Variants in IL1RAPL1 observed in about 807,000 individuals in gnomAD.
IL1RAPL1 encodes interleukin 1 receptor accessory protein like 1.
A neutral mutation model predicts 48.4 loss-of-function variants in IL1RAPL1; 3 were observed. The ratio of observed to expected loss-of-function variants is 0.06; its 90% CI spans 0.03 to 0.16. The LOEUF is 0.16. IL1RAPL1 is among the 10% of genes least tolerant of loss of function. The pLI is 1.00. For missense variants in IL1RAPL1, 349 were observed against 530.6 expected (o/e 0.66, Z 3.36); for synonymous variants, 185 against 187.7 (o/e 0.99, Z 0.12).
chrX:28,748,989 T>G (rs1288223099), intron 1 of IL1RAPL1, among the ~76,000 whole-genome samples: 1 of 111,910 alleles, frequency 8.9e-6, no homozygotes, highest in African/African-American at 3.2e-5. Context: ...GATCAACTTT[T>G]AAAAAACCCA....
At chrX:28,974,922 G>A (rs1382830550) in intron 2 of IL1RAPL1, among the ~76,000 whole-genome samples, 1 of 112,385 alleles carries the variant, frequency 8.9e-6, no homozygotes, top group Non-Finnish European at 1.9e-5. Flanking sequence ...CTAAGGATAT[G>A]TATAGATATA....
rs756120061 is a variant in IL1RAPL1 at position 29,027,329 on chromosome X, A to T, written c.82+237904A>T. Among the ~76,000 whole-genome samples, 3 of 112,253 alleles carry T rather than the reference A, an allele frequency of 2.7e-5. No individual in the cohort carries two copies. The East Asian group carries it at 8.4e-4, about 31-fold the overall frequency. On this transcript the variant is annotated intron_variant, in intron 2 of 10. Transcript: ENST00000378993. ...AAATAATTAGCTTTTTTCACTTAGT[A>T]TCATACATTTATGTTTTTTCCACGT...
rs751095070 is a variant in IL1RAPL1 at position 28,897,568 on chromosome X, A to G, written c.82+108143A>G. 9.0e-4 allele frequency among the ~76,000 whole-genome samples: 101 copies of G among 112,034 alleles called. 1 individual carries two copies. Among genetic ancestry groups the G allele is most frequent in the African/African-American group, 3.2e-3 (99 of 30,834 alleles). On this transcript the variant is annotated intron_variant, in intron 2 of 10. Transcript: ENST00000378993. ...AAAAAGAGGCCACTTACCGGACTTA[A>G]AATTGGTGAGATGTTCCTTGGGCTG...
At chrX:29,374,530 C>A (rs1933594530) in intron 3 of IL1RAPL1, among the ~76,000 whole-genome samples, 1 of 109,268 alleles carries the variant, frequency 9.2e-6, no homozygotes, top group Admixed American at 9.9e-5. Context: ...TTTGGCCGCA[C>A]CAGCCCTGGC....
intron 5 of IL1RAPL1, among the ~76,000 whole-genome samples, chrX:29,606,835 A>G (rs964933165): frequency 6.3e-5 from 7 of 111,428 alleles, no homozygotes; most frequent in Non-Finnish European, 1.3e-4. Context: ...GACATAAAAC[A>G]TGACTTGCTT....
At chrX:28,948,412 C>G (rs1173604685) in intron 2 of IL1RAPL1, among the ~76,000 whole-genome samples, 2 of 110,384 alleles carry the variant, frequency 1.8e-5, no homozygotes, top group African/African-American at 6.6e-5. Context: ...CTGATCTGAT[C>G]TGAACCTAGA....
chrX:28,730,833 C>A (rs182570787), intron 1 of IL1RAPL1, among the ~76,000 whole-genome samples: 19 of 112,003 alleles, frequency 1.7e-4, no homozygotes, highest in African/African-American at 5.5e-4. Flanking sequence ...GAATGCCTAA[C>A]AACTTACTTA....
intron 6 of IL1RAPL1, among the ~76,000 whole-genome samples, chrX:29,910,339 T>A (rs2147233196): frequency 9.1e-6 from 1 of 110,146 alleles, no homozygotes; most frequent in Admixed American, 9.8e-5. Flanking sequence ...ACATATAATT[T>A]ACCTATATAA....
At chrX:28,872,310 C>T (rs759913419) in intron 2 of IL1RAPL1, among the ~76,000 whole-genome samples, 173 of 112,063 alleles carry the variant, frequency 1.5e-3, no homozygotes, top group South Asian at 2.6e-3. Context: ...TGATCCACTG[C>T]ACCCAGCTGC....
rs1205331618 is a variant in IL1RAPL1, at chrX:29,036,317, A to G, written c.83-246621A>G. Among the ~76,000 whole-genome samples the G allele has an allele frequency of 2.7e-5, 3 of 112,354 alleles. No individual in the cohort carries two copies. In the South Asian group the frequency reaches 1.1e-3, roughly 41 times the overall value. ...AACATAAAGATGGAATTCTGCAGAA[A>G]TTGAGAAAGAGGGCAAAAACGCGGA... On this transcript the variant is annotated intron_variant, in intron 2 of 10. Coordinates refer to ENST00000378993, the MANE Select transcript of IL1RAPL1 (RefSeq NM_014271.4).
chrX:28,713,633 G>A (rs949374043), intron 1 of IL1RAPL1, among the ~76,000 whole-genome samples: 1 of 110,694 alleles, frequency 9.0e-6, no homozygotes, highest in African/African-American at 3.3e-5. Context: ...TTTCATTTTC[G>A]AAAAAATGCC....
intron 1 of IL1RAPL1, among the ~76,000 whole-genome samples, chrX:28,779,634 G>GTATATATATATATA (rs1183080798): frequency 5.2e-5 from 2 of 38,339 alleles, no homozygotes; most frequent in African/African-American, 1.2e-4. Context: ...GTGTGTGTGT[G>GTATATATATATATA]TATATATATA....
intron 5 of IL1RAPL1, among the ~76,000 whole-genome samples, chrX:29,410,448 A>G (rs1934129628): frequency 9.3e-6 from 1 of 107,957 alleles, no homozygotes; most frequent in Non-Finnish European, 1.9e-5. Flanking sequence ...GCAACAGAGC[A>G]AGACTCTGTG....
intron 5 of IL1RAPL1, among the ~76,000 whole-genome samples, chrX:29,496,313 A>ATCT (rs1436634997): frequency 9.0e-6 from 1 of 110,742 alleles, no homozygotes; most frequent in Non-Finnish European, 1.9e-5. Flanking sequence ...TTGAGTTGTA[A>ATCT]TCTCCAATGC....
chrX:29,954,513 T>A lies in IL1RAPL1; in HGVS notation c.1202-9T>A. 8.3e-7 allele frequency: 1 copy of A among 1,205,894 alleles called. No homozygotes were observed. The highest frequency in any genetic ancestry group is 1.1e-6 in the Non-Finnish European group (1 of 890,246). ...GTGACTTCGACTTTTCTTTGGAATT[T>A]TTTGACAGACAATAAAGATTATGAT... On this transcript the variant is annotated splice_polypyrimidine_tract_variant and intron_variant, in intron 9 of 10. Coordinates refer to ENST00000378993, the MANE Select transcript of IL1RAPL1 (RefSeq NM_014271.4).
chrX:29,715,892 A>G (rs1927470109), intron 6 of IL1RAPL1, among the ~76,000 whole-genome samples: 1 of 112,079 alleles, frequency 8.9e-6, no homozygotes, highest in South Asian at 3.7e-4. Flanking sequence ...TTCTTTACCA[A>G]GCAACCCACC....
chrX:28,835,215 A>T (rs1921174781), intron 2 of IL1RAPL1, among the ~76,000 whole-genome samples: 2 of 111,689 alleles, frequency 1.8e-5, no homozygotes, highest in African/African-American at 6.5e-5. Flanking sequence ...AACCTTGCCC[A>T]TTGCCATGGT....
intron 5 of IL1RAPL1, among the ~76,000 whole-genome samples, chrX:29,586,791 T>C (rs1242798337): frequency 9.0e-6 from 1 of 111,620 alleles, no homozygotes; most frequent in Non-Finnish European, 1.9e-5. Flanking sequence ...TTTTTGGTGC[T>C]AATGTAAATG....
intron 2 of IL1RAPL1, among the ~76,000 whole-genome samples, chrX:29,198,579 C>T (rs1930491126): frequency 9.0e-6 from 1 of 111,603 alleles, no homozygotes; most frequent in Non-Finnish European, 1.9e-5. Context: ...CAGATGTAAG[C>T]CACTGCGCCC....
Sources: gnomAD v4.1 joint callset for allele counts (sites outside exome capture counted in the v4.1 genomes callset) on GRCh38, gnomAD v4.1.1 for gene constraint, MANE v1.5 for transcripts, NCBI Gene and HGNC (gene_info 2026-07-23, HGNC 2026-07-21) for gene names.